Variants in TENM1 observed in about 807,000 individuals in gnomAD.
TENM1 encodes teneurin-1.
In TENM1, 35 loss-of-function variants were observed where a neutral mutation model predicts 174.8. The observed-to-expected ratio is 0.20, with a 90% CI of 0.15 to 0.27. The LOEUF (loss-of-function observed/expected upper bound fraction) is 0.27. TENM1 is among the 10% of genes least tolerant of loss of function. The probability of loss-of-function intolerance (pLI) is 1.00; values close to 1 mark genes in which losing one functional copy is unlikely to be tolerated. For missense variants in TENM1, 1,633 were observed against 2,130.1 expected (o/e 0.77, Z 4.59); for synonymous variants, 781 against 798.7 (o/e 0.98, Z 0.37).
At chrX:124,588,259 C>T (rs1250186721) in intron 11 of TENM1, among the ~76,000 whole-genome samples, 3 of 111,093 alleles carry the variant, frequency 2.7e-5, no homozygotes, top group Non-Finnish European at 5.7e-5. Context: ...TATTGTGGCA[C>T]TATTCACAAT....
chrX:125,138,344 T>C, the TENM1 span, among the ~76,000 whole-genome samples: 1 of 110,706 alleles, frequency 9.0e-6, no homozygotes, highest in Non-Finnish European at 1.9e-5. Flanking sequence ...TGTTTAGGAT[T>C]TGGGAAGCAA....
chrX:125,125,650 T>C, the TENM1 span, among the ~76,000 whole-genome samples: 2 of 112,067 alleles, frequency 1.8e-5, no homozygotes, highest in African/African-American at 3.2e-5. Context: ...CAGAGTGCTT[T>C]AACCTTGCCC....
the TENM1 span, among the ~76,000 whole-genome samples, chrX:124,993,835 T>TAC: frequency 3.7e-5 from 4 of 108,560 alleles, no homozygotes; most frequent in Non-Finnish European, 5.8e-5. Flanking sequence ...CACACACAAA[T>TAC]ACACACACAC....
the TENM1 span, among the ~76,000 whole-genome samples, chrX:125,134,337 T>A: frequency 1.8e-5 from 2 of 112,081 alleles, no homozygotes; most frequent in African/African-American, 6.5e-5. Flanking sequence ...GGCTGTGTAA[T>A]TAGGAGGACA....
the TENM1 span, among the ~76,000 whole-genome samples, chrX:125,187,730 GTCTC>G: frequency 1.5e-4 from 17 of 110,571 alleles, no homozygotes; most frequent in Admixed American, 5.8e-4. Flanking sequence ...CTTTGTCTCT[GTCTC>G]TCTCTCTCTT....
chrX:125,026,694 T>C, the TENM1 span, among the ~76,000 whole-genome samples: 1 of 111,446 alleles, frequency 9.0e-6, no homozygotes, highest in Non-Finnish European at 1.9e-5. Flanking sequence ...CCAAGTTGAG[T>C]TTATCCAAAA....
chrX:124,858,131 A>T (rs1927746798), intron 3 of TENM1, among the ~76,000 whole-genome samples: 1 of 112,250 alleles, frequency 8.9e-6, no homozygotes, highest in Admixed American at 9.4e-5. Flanking sequence ...GAAAATGTCT[A>T]ATTATTTATT....
At chrX:125,104,906 C>T in the TENM1 span, among the ~76,000 whole-genome samples, 2 of 111,721 alleles carry the variant, frequency 1.8e-5, no homozygotes, top group Non-Finnish European at 3.8e-5. Flanking sequence ...ATGGCAATGA[C>T]AAAGATGCTG....
the TENM1 span, among the ~76,000 whole-genome samples, chrX:125,142,148 C>A: frequency 1.8e-5 from 2 of 111,846 alleles, no homozygotes; most frequent in Non-Finnish European, 3.8e-5. Context: ...TTTCAAATTA[C>A]TTGAACTTTT....
At chrX:124,665,766 T>C (rs1296035990) in intron 6 of TENM1, among the ~76,000 whole-genome samples, 2 of 112,228 alleles carry the variant, frequency 1.8e-5, no homozygotes, top group African/African-American at 6.5e-5. Context: ...AGAGGGCAAA[T>C]AAAGCAAAGA....
Position 124,499,208 on chromosome X carries a change from T to A in TENM1, c.3446-1943A>T, listed in dbSNP as rs192747053. Among the ~76,000 whole-genome samples, 9 of 111,671 alleles carry A rather than the reference T, an allele frequency of 8.1e-5. 1 individual carries two copies. Among genetic ancestry groups the A allele is most frequent in the African/African-American group, 2.9e-4 (9 of 30,793 alleles). On this transcript the variant is annotated intron_variant, in intron 19 of 31. Transcript: ENST00000422452. ...ATTGCCTGTTATTCTCCCTAAACAT[T>A]TCCTGAAATGTCTCTTTAGTTTTCT...
intron 1 of TENM1, among the ~76,000 whole-genome samples, chrX:124,935,560 C>A (rs888034651): frequency 2.7e-5 from 3 of 112,513 alleles, no homozygotes; most frequent in Middle Eastern, 4.6e-3. Flanking sequence ...TTTTTGGCAG[C>A]AACTATGCCT....
chrX:124,830,100 G>A (rs1421317235), intron 3 of TENM1, among the ~76,000 whole-genome samples: 1 of 111,673 alleles, frequency 9.0e-6, no homozygotes, highest in Non-Finnish European at 1.9e-5. Context: ...TAATTGAATA[G>A]AAAGTAGCAG....
intron 6 of TENM1, among the ~76,000 whole-genome samples, chrX:124,658,186 A>T (rs1470996043): frequency 3.6e-5 from 4 of 111,606 alleles, no homozygotes; most frequent in African/African-American, 9.8e-5. Flanking sequence ...CCATCTATGT[A>T]GCTTAATGTA....
At chrX:124,972,043 G>A in the TENM1 span, among the ~76,000 whole-genome samples, 2 of 109,590 alleles carry the variant, frequency 1.8e-5, no homozygotes, top group African/African-American at 6.7e-5. Flanking sequence ...GAACAGCCTG[G>A]CCAACATGGT....
chrX:124,737,857 A>G (rs2053711878), intron 3 of TENM1, among the ~76,000 whole-genome samples: 1 of 112,364 alleles, frequency 8.9e-6, no homozygotes, highest in Admixed American at 9.4e-5. Context: ...CACAGTCTGC[A>G]ACTTTTTTCC....
At chrX:125,095,980 A>AT in the TENM1 span, among the ~76,000 whole-genome samples, 2 of 112,028 alleles carry the variant, frequency 1.8e-5, no homozygotes, top group Middle Eastern at 4.6e-3. Context: ...CTTCTGAAAA[A>AT]TTTTTTACTA....
At chrX:124,862,090 G>T (rs2056921894) in intron 3 of TENM1, among the ~76,000 whole-genome samples, 1 of 112,088 alleles carries the variant, frequency 8.9e-6, no homozygotes, top group African/African-American at 3.2e-5. Flanking sequence ...CAACTATTAA[G>T]AGTTTAAAAA....
chrX:124,496,298 G>A (rs1433118575), intron 20 of TENM1, among the ~76,000 whole-genome samples: 2 of 111,255 alleles, frequency 1.8e-5, no homozygotes, highest in African/African-American at 6.5e-5. Flanking sequence ...AACACCAGAA[G>A]ATACACATTT....
Sources: allele counts gnomAD v4.1 joint callset (sites outside exome capture counted in the v4.1 genomes callset), GRCh38; gene constraint gnomAD v4.1.1; transcripts MANE v1.5; gene names NCBI Gene and HGNC (gene_info 2026-07-23, HGNC 2026-07-21).